LRFN5: variants seen among roughly 807,000 people sequenced by gnomAD.
LRFN5 encodes the protein leucine rich repeat and fibronectin type III domain containing 5, also known as leucine-rich repeat and fibronectin type-III domain-containing protein 5.
LRFN5 carries 24 observed loss-of-function variants against 45.6 expected under a neutral mutation model. The ratio of observed to expected loss-of-function variants is 0.53; its 90% confidence interval spans 0.38 to 0.74. The LOEUF is 0.74. Among genes scored for constraint, LRFN5 ranks in the 30% least tolerant of loss-of-function variants. The pLI is 0.00. For missense variants in LRFN5, 776 were observed against 861.5 expected, an observed-to-expected ratio of 0.90 and a Z score of 1.24; for synonymous variants, 340 against 313.8, an observed-to-expected ratio of 1.08 and a Z score of -0.88.
chr14:41,627,414 T>C (rs1888372549), intron 1 of LRFN5, among the ~76,000 whole-genome samples: 1 of 152,126 alleles, frequency 6.6e-6, no homozygotes, highest in Non-Finnish European at 1.5e-5. Flanking sequence ...CAAGGGCCTT[T>C]TTCTTAATCT....
intron 2 of LRFN5, among the ~76,000 whole-genome samples, chr14:41,804,735 A>T (rs1268517109): frequency 6.6e-6 from 1 of 152,164 alleles, no homozygotes; most frequent in East Asian, 1.9e-4. Context: ...TCACTGTCAC[A>T]ATTTTCTCAG....
intron 2 of LRFN5, among the ~76,000 whole-genome samples, chr14:41,876,381 C>T (rs1172300675): frequency 1.4e-5 from 2 of 146,428 alleles, no homozygotes; most frequent in African/African-American, 2.5e-5. Flanking sequence ...CCCGGGTTCA[C>T]GCCCTTCTCC....
intron 2 of LRFN5, among the ~76,000 whole-genome samples, chr14:41,789,034 T>C (rs1056406507): frequency 1.3e-5 from 2 of 152,044 alleles, no homozygotes; most frequent in African/African-American, 4.8e-5. Context: ...TAAACTCATT[T>C]ATTGAGTTTA....
chr14:41,734,315 T>TA (rs1188496222), intron 1 of LRFN5, among the ~76,000 whole-genome samples: 67 of 84,388 alleles, frequency 7.9e-4, no homozygotes, highest in African/African-American at 3.2e-3. Context: ...CTGGACTGGT[T>TA]TTATATATAT....
chr14:41,775,335 C>T (rs146055398), intron 2 of LRFN5, among the ~76,000 whole-genome samples: 1,599 of 152,064 alleles, frequency 0.011, 28 homozygotes, highest in African/African-American at 0.037. Flanking sequence ...GTGATCCGCC[C>T]ACCTCCGCCT....
chr14:41,617,516 G>C (rs1012082077), intron 1 of LRFN5, among the ~76,000 whole-genome samples: 1 of 151,902 alleles, frequency 6.6e-6, no homozygotes, highest in Non-Finnish European at 1.5e-5. Context: ...TCTCCTTTAA[G>C]GATTATGAGC....
At chr14:41,682,577 C>A (rs548315290) in intron 1 of LRFN5, among the ~76,000 whole-genome samples, 1 of 151,752 alleles carries the variant, frequency 6.6e-6, no homozygotes, top group South Asian at 2.1e-4. Flanking sequence ...AGCTCGACTG[C>A]ATAAGAAAAA....
At chr14:41,844,453 T>C (rs1278093152) in intron 2 of LRFN5, among the ~76,000 whole-genome samples, 1 of 149,552 alleles carries the variant, frequency 6.7e-6, no homozygotes, top group Non-Finnish European at 1.5e-5. Context: ...AAAAAAAATA[T>C]GTATATTTAT....
chr14:41,775,228 C>T (rs1046693100), intron 2 of LRFN5, among the ~76,000 whole-genome samples: 1 of 151,048 alleles, frequency 6.6e-6, no homozygotes, highest in Admixed American at 6.6e-5. Flanking sequence ...GTAGCTGGGA[C>T]TACAGGCGCC....
intron 1 of LRFN5, among the ~76,000 whole-genome samples, chr14:41,675,290 C>G (rs1844879225): frequency 6.6e-6 from 1 of 152,234 alleles, no homozygotes; most frequent in African/African-American, 2.4e-5. Context: ...GAGATCACGC[C>G]ACTGTGCTCC....
Position 41,887,094 on chromosome 14 carries a change from A to G in LRFN5, c.469A>G (p.Asn157Asp). 1 of 1,613,982 alleles carries G rather than the reference A, an allele frequency of 6.2e-7. No individual in the cohort carries two copies. Among genetic ancestry groups the G allele is most frequent in the Non-Finnish European group, 8.5e-7 (1 of 1,180,020 alleles). Reference protein sequence around the residue: ...FALEELDLSYNNLETIPWDAV... With the variant: ...FALEELDLSYDNLETIPWDAV... ...CCTTGAGGAGCTGGATCTGTCCTAT[A>G]ATAATCTAGAAACCATTCCTTGGGA... is the stretch of plus-strand genomic sequence containing the variant. The change falls in exon 3 of 6, where the codon AAT becomes GAT. Residue 157 changes from asparagine (N) to aspartate (D), a missense_variant. Physicochemically the swap from Asn to Asp is conservative, Grantham distance 23. Around this residue, in one of 2 missense-constraint regions of LRFN5, gnomAD observed 311 missense variants for 405.1 expected, o/e 0.77. Coordinates refer to ENST00000298119, the MANE Select transcript of LRFN5 (RefSeq NM_152447.5). The surrounding 1 kb of genome is among the most constrained non-coding windows in gnomAD (Gnocchi z 4.8).
At chr14:41,713,086 A>G (rs866094562) in intron 1 of LRFN5, among the ~76,000 whole-genome samples, 1 of 152,188 alleles carries the variant, frequency 6.6e-6, no homozygotes, top group African/African-American at 2.4e-5. Flanking sequence ...TGAAAACTGT[A>G]TATCATAGAA....
chr14:41,858,810 C>G (rs1337231954), intron 2 of LRFN5, among the ~76,000 whole-genome samples: 1 of 152,126 alleles, frequency 6.6e-6, no homozygotes, highest in African/African-American at 2.4e-5. Flanking sequence ...AGTGTATATT[C>G]CTCAGTCACA....
At position 41,887,755 on chromosome 14, in the gene LRFN5, T is replaced by C. The variant is rs1456937651; in HGVS notation, c.1130T>C (p.Leu377Pro). 1 of 1,613,958 alleles carries C rather than the reference T, an allele frequency of 6.2e-7. No homozygotes were observed. Among genetic ancestry groups the C allele is most frequent in the Admixed American group, 1.7e-5 (1 of 60,018 alleles). Reference sequence around the variant, plus strand: ...ATAGTGGATCTTCATATAATTAAGCTCCCTCACTTACTAAATAGTACAAAC... The same window carrying C: ...ATAGTGGATCTTCATATAATTAAGCCCCCTCACTTACTAAATAGTACAAAC... The part of the protein sequence containing the change: ...TQIVDLHIIK[L>P]PHLLNSTNHI... The change falls in exon 3 of 6, where the codon CTC becomes CCC. Residue 377 changes from leucine to proline, a missense_variant. This residue lies in a region of LRFN5 where 465 missense variants were observed against 456.4 expected (regional missense o/e 1.02). Coordinates refer to ENST00000298119, the MANE Select transcript of LRFN5 (RefSeq NM_152447.5). The surrounding 1 kb of genome is among the most constrained non-coding windows in gnomAD (Gnocchi z 4.8).
chr14:41,775,249 C>A (rs1366654956), intron 2 of LRFN5, among the ~76,000 whole-genome samples: 1 of 151,864 alleles, frequency 6.6e-6, no homozygotes, highest in Non-Finnish European at 1.5e-5. Context: ...CACCACCAGG[C>A]CCGGCTAATT....
At chr14:41,817,763 G>T (rs74045451) in intron 2 of LRFN5, among the ~76,000 whole-genome samples, 1 of 152,076 alleles carries the variant, frequency 6.6e-6, no homozygotes, top group Non-Finnish European at 1.5e-5. Flanking sequence ...GATAAACTCC[G>T]GGGGGTAAAA....
intron 1 of LRFN5, among the ~76,000 whole-genome samples, chr14:41,673,457 A>G (rs1881355879): frequency 9.2e-6 from 1 of 108,822 alleles, no homozygotes; most frequent in African/African-American, 3.7e-5. Context: ...TGACCCCCCC[A>G]CCTCCCTCCT....
chr14:41,620,170 T>C (rs980416283), intron 1 of LRFN5, among the ~76,000 whole-genome samples: 2 of 152,076 alleles, frequency 1.3e-5, no homozygotes, highest in Admixed American at 1.3e-4. Flanking sequence ...ATCAAGGCAG[T>C]AAATTTCCTT....
chr14:41,667,581 A>G (rs1303557621), intron 1 of LRFN5, among the ~76,000 whole-genome samples: 1 of 152,138 alleles, frequency 6.6e-6, no homozygotes, highest in Non-Finnish European at 1.5e-5. Context: ...CTGAATCTAT[A>G]GATTGCTAGT....
Sources: allele counts gnomAD v4.1 joint callset (sites outside exome capture counted in the v4.1 genomes callset), GRCh38; gene constraint gnomAD v4.1.1; regional missense constraint gnomAD v4.1.1; non-coding constraint Gnocchi (gnomAD v3.1); transcripts MANE v1.5; gene names NCBI Gene and HGNC (gene_info 2026-07-23, HGNC 2026-07-21).